Variants in ELOVL5 observed in about 807,000 individuals in gnomAD.
ELOVL5 encodes the protein ELOVL fatty acid elongase 5, also known as very long chain fatty acid elongase 5.
ELOVL5 carries 8 observed loss-of-function variants against 38.6 expected under a neutral mutation model. That is an observed-to-expected ratio of 0.21 (90% CI 0.12 to 0.37). ELOVL5 has a LOEUF of 0.37. Among genes scored for constraint, ELOVL5 ranks in the 10% least tolerant of loss-of-function variants. The probability of loss-of-function intolerance (pLI) is 1.00; values close to 1 mark genes in which losing one functional copy is unlikely to be tolerated. For synonymous variants in ELOVL5, 127 were observed against 133.7 expected (o/e 0.95, Z 0.34); for missense variants, 280 against 367.8 (o/e 0.76, Z 1.95).
chr6:53,271,112 A>G (rs1041669124), intron 6 of ELOVL5, among the ~76,000 whole-genome samples: 1 of 152,202 alleles, frequency 6.6e-6, no homozygotes, highest in Admixed American at 6.5e-5. Context: ...CTCCTTATCC[A>G]TGGACGCTTC....
intron 1 of ELOVL5, among the ~76,000 whole-genome samples, chr6:53,335,293 A>G (rs527500264): frequency 6.6e-6 from 1 of 152,250 alleles, no homozygotes; most frequent in South Asian, 2.1e-4. Flanking sequence ...AAAATGACCA[A>G]ACCTGTCCCT....
chr6:53,270,346 G>A (rs1364135727), intron 7 of ELOVL5, among the ~76,000 whole-genome samples: 1 of 152,176 alleles, frequency 6.6e-6, no homozygotes, highest in Non-Finnish European at 1.5e-5. Flanking sequence ...ATAGGGTCCT[G>A]CTGCACAGTT....
intron 1 of ELOVL5, among the ~76,000 whole-genome samples, chr6:53,344,875 A>G (rs888437134): frequency 6.6e-6 from 1 of 152,154 alleles, no homozygotes; most frequent in African/African-American, 2.4e-5. Context: ...ATTCCTGCCT[A>G]TCAACTAAGA....
chr6:53,280,576 G>A (rs1346094441), intron 3 of ELOVL5, among the ~76,000 whole-genome samples: 2 of 152,172 alleles, frequency 1.3e-5, no homozygotes, highest in Non-Finnish European at 2.9e-5. Flanking sequence ...CCTGGTTCTG[G>A]ATGACATAAT....
intron 1 of ELOVL5, among the ~76,000 whole-genome samples, chr6:53,305,323 AG>A (rs1767459977): frequency 1.7e-5 from 1 of 57,868 alleles, no homozygotes; most frequent in Non-Finnish European, 3.1e-5. Context: ...CTGGCCGGGC[AG>A]GGGGCTGACC....
Position 53,268,048 on chromosome 6 carries a change from A to G in ELOVL5, c.*1079T>C, listed in dbSNP as rs375864180. On this transcript the variant is annotated 3_prime_UTR_variant, in exon 8 of 8. Coordinates refer to ENST00000304434, the MANE Select transcript of ELOVL5 (RefSeq NM_021814.5). ...TTCTCGATTCTCTTATGCTGTAGCT[A>G]TATTTGATTTTACCTTAAAAAGTTC... The G allele has an allele frequency of 7.7e-4, 118 of 152,322 alleles. 1 individual carries two copies. The highest frequency in any genetic ancestry group is 2.8e-3 in the African/African-American group (115 of 41,586). 9.4% of individuals were successfully genotyped at this position (152,322 alleles called of 1,614,324 possible).
intron 1 of ELOVL5, among the ~76,000 whole-genome samples, chr6:53,321,533 GA>G (rs1182094625): frequency 6.6e-6 from 1 of 152,180 alleles, no homozygotes; most frequent in African/African-American, 2.4e-5. Flanking sequence ...GAGACTCCCA[GA>G]AATTGGCCAA....
chr6:53,317,756 G>A (rs778373895), intron 1 of ELOVL5, among the ~76,000 whole-genome samples: 12 of 150,472 alleles, frequency 8.0e-5, no homozygotes, highest in Non-Finnish European at 1.5e-4. Flanking sequence ...TAACAAGCCT[G>A]CACATTGTGC....
chr6:53,314,576 T>G (rs1767959675), intron 1 of ELOVL5, among the ~76,000 whole-genome samples: 1 of 152,244 alleles, frequency 6.6e-6, no homozygotes, highest in South Asian at 2.1e-4. Flanking sequence ...TAAGGCACTA[T>G]GGCAAGTGGT....
intron 1 of ELOVL5, among the ~76,000 whole-genome samples, chr6:53,343,227 T>C (rs1769402215): frequency 7.0e-6 from 1 of 142,402 alleles, no homozygotes; most frequent in Admixed American, 6.9e-5. Flanking sequence ...TCTTTATTTA[T>C]TTTGGGACAG....
chr6:53,338,673 A>G (rs1769187930), intron 1 of ELOVL5, among the ~76,000 whole-genome samples: 1 of 152,234 alleles, frequency 6.6e-6, no homozygotes, highest in African/African-American at 2.4e-5. Context: ...TATTCTAAAC[A>G]TCTAAACCAA....
At chr6:53,317,803 A>C (rs1369214996) in intron 1 of ELOVL5, among the ~76,000 whole-genome samples, 1 of 150,972 alleles carries the variant, frequency 6.6e-6, no homozygotes, top group Non-Finnish European at 1.5e-5. Flanking sequence ...ATAATAATAA[A>C]ATTTTAAAAA....
At chr6:53,275,918 A>G (rs972081980) in intron 4 of ELOVL5, among the ~76,000 whole-genome samples, 1 of 152,256 alleles carries the variant, frequency 6.6e-6, no homozygotes, top group African/African-American at 2.4e-5. Context: ...TTGTGTAAAT[A>G]TAACATACTG....
intron 2 of ELOVL5, chr6:53,294,189 C>T (rs1393919932): frequency 6.8e-7 from 1 of 1,466,840 alleles, no homozygotes; most frequent in Non-Finnish European, 9.0e-7. Context: ...CCGCACAGTG[C>T]TTCCCGGGCA....
chr6:53,339,886 G>A (rs28562063), intron 1 of ELOVL5, among the ~76,000 whole-genome samples: 18,863 of 152,132 alleles, frequency 0.12, 1,311 homozygotes, highest in African/African-American at 0.17. Context: ...TCCAGAAGAA[G>A]GCATTGTTGT....
chr6:53,324,835 G>C (rs1768465383), intron 1 of ELOVL5, among the ~76,000 whole-genome samples: 1 of 152,092 alleles, frequency 6.6e-6, no homozygotes, highest in African/African-American at 2.4e-5. Flanking sequence ...CATCTCCAAA[G>C]TGTATCAAAA....
intron 1 of ELOVL5, among the ~76,000 whole-genome samples, chr6:53,310,679 A>C (rs915973462): frequency 2.0e-5 from 3 of 152,140 alleles, no homozygotes; most frequent in Non-Finnish European, 4.4e-5. Context: ...GGGCTCAAGC[A>C]ATCTGCCTGC....
chr6:53,281,373 C>T (rs1165215383), intron 3 of ELOVL5, among the ~76,000 whole-genome samples: 1 of 152,100 alleles, frequency 6.6e-6, no homozygotes, highest in Admixed American at 6.5e-5. Context: ...TTTTTTAGAT[C>T]TGGTACAAGC....
intron 1 of ELOVL5, among the ~76,000 whole-genome samples, chr6:53,329,813 G>C (rs1411723246): frequency 6.6e-6 from 1 of 152,148 alleles, no homozygotes; most frequent in African/African-American, 2.4e-5. Flanking sequence ...ACAAGAGCAA[G>C]ACTTCGTCTC....
Sources: gnomAD v4.1 joint callset for allele counts (sites outside exome capture counted in the v4.1 genomes callset) on GRCh38, gnomAD v4.1.1 for gene constraint, MANE v1.5 for transcripts, NCBI Gene and HGNC (gene_info 2026-07-23, HGNC 2026-07-21) for gene names.